The following NBAS variants were observed in gnomAD, a reference collection of about 807,000 sequenced individuals.
NBAS encodes NBAS subunit of NRZ tethering complex, also known as NAG/BC035112 fusion.
NBAS carries 219 observed loss-of-function variants against 302.5 expected under a neutral mutation model. The ratio of observed to expected loss-of-function variants is 0.72; its 90% confidence interval spans 0.65 to 0.81. NBAS has a LOEUF of 0.81. Among genes scored for constraint, NBAS ranks in the 30% least tolerant of loss-of-function variants. The pLI is 0.00. For missense variants in NBAS, 2,932 were observed against 2,841.6 expected (o/e 1.03, Z -0.72); for synonymous variants, 1,118 against 1,021.6 (o/e 1.09, Z -1.80).
chr2:14,826,753 C>T, the NBAS span, among the ~76,000 whole-genome samples: 1 of 152,312 alleles, frequency 6.6e-6, no homozygotes, highest in South Asian at 2.1e-4. Flanking sequence ...CTCACAGAGC[C>T]CTGCTCCTTA....
At chr2:14,952,567 C>T in the NBAS span, among the ~76,000 whole-genome samples, 252 of 152,328 alleles carry the variant, frequency 1.7e-3, no homozygotes, top group African/African-American at 4.8e-3. Context: ...ATGCTCCTGA[C>T]GCCCAGAGGA....
At chr2:14,980,672 A>G in the NBAS span, among the ~76,000 whole-genome samples, 1 of 152,150 alleles carries the variant, frequency 6.6e-6, no homozygotes, top group Non-Finnish European at 1.5e-5. Context: ...ATAGGCAGGA[A>G]AAAAAATCAC....
chr2:15,492,912 G>C (rs1007723810), intron 11 of NBAS, among the ~76,000 whole-genome samples: 1 of 152,174 alleles, frequency 6.6e-6, no homozygotes, highest in African/African-American at 2.4e-5. Flanking sequence ...TGGTATTTGG[G>C]AGTCTGAGTG....
the NBAS span, among the ~76,000 whole-genome samples, chr2:14,792,404 A>G: frequency 6.6e-6 from 1 of 152,192 alleles, no homozygotes. Flanking sequence ...ACTATTGAGT[A>G]TTCGTGGTGT....
rs1052477846 is a variant in NBAS at position 15,478,216 on chromosome 2, T to C, written c.1147+10A>G. Reference sequence around the variant, plus strand: ...TTAAGGTTTCAATTATCACATTTCGTAGAACTCACCTTTGATTTTTTTTCT... The same window carrying C: ...TTAAGGTTTCAATTATCACATTTCGCAGAACTCACCTTTGATTTTTTTTCT... On this transcript the variant is annotated intron_variant, in intron 13 of 51. Coordinates refer to ENST00000281513, the MANE Select transcript of NBAS (RefSeq NM_015909.4). The C allele has an allele frequency of 1.0e-5, 16 of 1,568,892 alleles. No individual in the cohort carries two copies. The highest frequency in any genetic ancestry group is 1.4e-5 in the Non-Finnish European group (16 of 1,139,056).
chr2:15,560,927 G>A (rs1256984425), intron 1 of NBAS, among the ~76,000 whole-genome samples: 2 of 152,056 alleles, frequency 1.3e-5, no homozygotes, highest in African/African-American at 4.8e-5. Flanking sequence ...AACCAAAGTG[G>A]GATCGTACGC....
the NBAS span, among the ~76,000 whole-genome samples, chr2:14,986,244 G>GTTT: frequency 6.6e-6 from 1 of 151,512 alleles, no homozygotes; most frequent in Non-Finnish European, 1.5e-5. Flanking sequence ...AAAAAAACCT[G>GTTT]TTTTCAACTA....
intron 6 of NBAS, among the ~76,000 whole-genome samples, chr2:15,551,050 A>G (rs775055712): frequency 1.3e-5 from 2 of 152,190 alleles, no homozygotes; most frequent in Non-Finnish European, 2.9e-5. Flanking sequence ...GAGATAAAGG[A>G]GCAGGTCTTT....
intron 21 of NBAS, among the ~76,000 whole-genome samples, chr2:15,444,520 C>T (rs1572862107): frequency 6.6e-6 from 1 of 151,962 alleles, no homozygotes; most frequent in African/African-American, 2.4e-5. Flanking sequence ...GGATTAAAGA[C>T]TTAAACGTTA....
At chr2:15,309,600 T>C (rs1016078486) in intron 38 of NBAS, among the ~76,000 whole-genome samples, 3 of 152,160 alleles carry the variant, frequency 2.0e-5, no homozygotes, top group Admixed American at 2.0e-4. Context: ...TGTTAGCTAA[T>C]ATGGAGGGTG....
At chr2:14,784,846 T>C in the NBAS span, among the ~76,000 whole-genome samples, 3 of 152,214 alleles carry the variant, frequency 2.0e-5, no homozygotes, top group Non-Finnish European at 4.4e-5. Context: ...TTTTTTCCAA[T>C]TCTGTGAAGA....
At chr2:14,857,632 T>C in the NBAS span, among the ~76,000 whole-genome samples, 4 of 152,148 alleles carry the variant, frequency 2.6e-5, no homozygotes, top group African/African-American at 9.7e-5. Flanking sequence ...TGCAAAAGAA[T>C]GAAACTAGAC....
intron 42 of NBAS, among the ~76,000 whole-genome samples, chr2:15,277,720 C>G (rs1006430006): frequency 1.5e-4 from 23 of 152,174 alleles, no homozygotes; most frequent in Admixed American, 1.5e-3. Context: ...TATTTTCATC[C>G]TAACTTAGAT....
chr2:14,915,001 GT>G, the NBAS span, among the ~76,000 whole-genome samples: 1 of 152,160 alleles, frequency 6.6e-6, no homozygotes, highest in African/African-American at 2.4e-5. Context: ...AAGCCACTGA[GT>G]TTTTTATGGT....
the NBAS span, among the ~76,000 whole-genome samples, chr2:15,053,184 A>G: frequency 6.6e-6 from 1 of 152,234 alleles, no homozygotes; most frequent in Non-Finnish European, 1.5e-5. Flanking sequence ...ATATTAAAGA[A>G]GAAGGTACAT....
At chr2:15,275,413 C>A in intron 44 of NBAS, 71 bp downstream of exon 44, 1 of 1,441,534 alleles carries the variant, frequency 6.9e-7, no homozygotes, top group Non-Finnish European at 9.5e-7. Flanking sequence ...AAAATAAAAT[C>A]TACAGAATGT....
At chr2:15,526,912 T>C (rs1335254803) in intron 9 of NBAS, among the ~76,000 whole-genome samples, 1 of 152,160 alleles carries the variant, frequency 6.6e-6, no homozygotes, top group Non-Finnish European at 1.5e-5. Context: ...ATAATAATTA[T>C]TCAGTGTGTA....
chr2:14,916,358 A>G, the NBAS span, among the ~76,000 whole-genome samples: 1 of 152,256 alleles, frequency 6.6e-6, no homozygotes, highest in African/African-American at 2.4e-5. Flanking sequence ...AGGATGCAAT[A>G]CAATACAAGG....
rs776322902 is a variant in NBAS at position 15,218,723 on chromosome 2, C to T, written c.6432+50G>A. On this transcript the variant is annotated intron_variant, in intron 48 of 51. Coordinates refer to ENST00000281513, the MANE Select transcript of NBAS (RefSeq NM_015909.4). ...GATTACAGGCGTGAGCAACCGCGTCCGGCCTAATTATTGTTAGTAAGAAAA... is the reference window on the plus strand; with the variant it reads ...GATTACAGGCGTGAGCAACCGCGTCTGGCCTAATTATTGTTAGTAAGAAAA... 6.2e-6 allele frequency: 10 copies of T among 1,611,722 alleles called. 1 individual carries two copies. The highest frequency in any genetic ancestry group is 2.2e-5 in the East Asian group (1 of 44,864).
Sources: allele counts gnomAD v4.1 joint callset (sites outside exome capture counted in the v4.1 genomes callset), GRCh38; gene constraint gnomAD v4.1.1; transcripts MANE v1.5; gene names NCBI Gene and HGNC (gene_info 2026-07-23, HGNC 2026-07-21).